PRLR: variants seen among roughly 807,000 people sequenced by gnomAD.
PRLR encodes prolactin receptor.
Under a neutral mutation model 40.2 loss-of-function variants are expected in PRLR, and 13 were observed. That is an observed-to-expected ratio of 0.32 (90% confidence interval 0.21 to 0.51). The LOEUF (loss-of-function observed/expected upper bound fraction) is 0.51, where lower values mean the gene tolerates loss of function less well. PRLR is among the 20% of genes least tolerant of loss of function. The probability of loss-of-function intolerance (pLI) is 0.97; values close to 1 mark genes in which losing one functional copy is unlikely to be tolerated. For synonymous variants in PRLR, 269 were observed against 278.7 expected (o/e 0.97, Z 0.35); for missense variants, 656 against 747.3 (o/e 0.88, Z 1.42).
Position 35,065,609 on chromosome 5 carries a change from A to T in PRLR, c.1349T>A (p.Leu450Gln). ...AGCATCTTTACCTGCTTCATTCAAC[A>T]GAGTGGCCGGTGCACCTGCAGGGCC... ...AVGPAGAPATLLNEAGKDALK... is the reference protein window; with the variant it reads ...AVGPAGAPATQLNEAGKDALK... The change falls in exon 10 of 10, where the codon CTG becomes CAG. Residue 450 changes from leucine (L) to glutamine (Q), a missense_variant. Leu to Gln is a moderately radical substitution (Grantham distance 113). Transcript: ENST00000618457. The T allele has an allele frequency of 6.2e-7, 1 of 1,614,040 alleles. No individual in the cohort carries two copies. The highest frequency in any genetic ancestry group is 8.5e-7 in the Non-Finnish European group (1 of 1,179,974).
intron 1 of PRLR, among the ~76,000 whole-genome samples, chr5:35,120,476 G>A (rs1773251108): frequency 6.6e-6 from 1 of 152,156 alleles, no homozygotes; most frequent in South Asian, 2.1e-4. Flanking sequence ...CAAGAAAGGT[G>A]TAAAATTTTG....
At chr5:35,093,430 G>A (rs1417246812) in intron 2 of PRLR, among the ~76,000 whole-genome samples, 2 of 152,160 alleles carry the variant, frequency 1.3e-5, no homozygotes, top group Non-Finnish European at 2.9e-5. Flanking sequence ...CTACCATTCT[G>A]TGGAACTTGC....
intron 1 of PRLR, among the ~76,000 whole-genome samples, chr5:35,182,226 C>T (rs1254119652): frequency 1.3e-5 from 2 of 152,166 alleles, no homozygotes; most frequent in Non-Finnish European, 2.9e-5. Context: ...GAAACTGAGG[C>T]ACTGATTCTA....
At chr5:35,098,988 A>G (rs1362317695) in intron 2 of PRLR, among the ~76,000 whole-genome samples, 1 of 152,250 alleles carries the variant, frequency 6.6e-6, no homozygotes, top group Non-Finnish European at 1.5e-5. Context: ...TGACAAGTCT[A>G]AGAAAAAACT....
chr5:35,162,794 A>G (rs913297881), intron 1 of PRLR, among the ~76,000 whole-genome samples: 7 of 152,204 alleles, frequency 4.6e-5, no homozygotes, highest in African/African-American at 1.7e-4. Flanking sequence ...TCTCCCGGGC[A>G]GTTTCCTCTA....
At chr5:35,092,415 C>A (rs867856021) in intron 2 of PRLR, among the ~76,000 whole-genome samples, 20 of 152,182 alleles carry the variant, frequency 1.3e-4, no homozygotes, top group African/African-American at 4.8e-4. Flanking sequence ...ACTTCTCACC[C>A]CTAAAGGGGC....
Position 35,124,789 on chromosome 5 carries a change from T to A in PRLR, c.-105-6667A>T, listed in dbSNP as rs1485190577. 2.0e-5 allele frequency among the ~76,000 whole-genome samples: 3 copies of A among 152,176 alleles called. No homozygotes were observed. The East Asian group carries it at 5.8e-4, about 29-fold the overall frequency. On this transcript the variant is annotated intron_variant, in intron 1 of 9. Coordinates refer to ENST00000618457, the MANE Select transcript of PRLR (RefSeq NM_000949.7). ...CACCCTGAAATTCTAGGCCCACCAG[T>A]CAATAGATTAACAGGGTTACCTTTG...
intron 1 of PRLR, among the ~76,000 whole-genome samples, chr5:35,152,114 A>G (rs1348151085): frequency 2.6e-5 from 4 of 152,220 alleles, no homozygotes; most frequent in Admixed American, 6.5e-5. Context: ...TCAACCTTCT[A>G]GGGAAGTTAT....
At chr5:35,202,463 C>A (rs1485993010) in intron 1 of PRLR, among the ~76,000 whole-genome samples, 3 of 152,148 alleles carry the variant, frequency 2.0e-5, no homozygotes, top group African/African-American at 7.2e-5. Flanking sequence ...GTACAACTTA[C>A]CCTCAGTCCG....
At chr5:35,081,531 C>A (rs1029840304) in intron 5 of PRLR, 1 of 158,020 alleles carries the variant, frequency 6.3e-6, no homozygotes, top group South Asian at 1.8e-4. Flanking sequence ...ACGAGAGTTC[C>A]GTGGGCACTT....
chr5:35,179,275 A>G (rs898620530), intron 1 of PRLR, among the ~76,000 whole-genome samples: 20 of 152,342 alleles, frequency 1.3e-4, no homozygotes, highest in African/African-American at 3.6e-4. Flanking sequence ...TATATTTGCC[A>G]CGCGAAGCCT....
chr5:35,131,417 G>A (rs1773668047), intron 1 of PRLR, among the ~76,000 whole-genome samples: 1 of 152,186 alleles, frequency 6.6e-6, no homozygotes, highest in African/African-American at 2.4e-5. Flanking sequence ...AGAGGGTCTA[G>A]TGGTGGCGGG....
At chr5:35,093,774 T>C (rs563490757) in intron 2 of PRLR, among the ~76,000 whole-genome samples, 10 of 152,242 alleles carry the variant, frequency 6.6e-5, no homozygotes, top group Non-Finnish European at 1.3e-4. Context: ...ATATATATGA[T>C]GGTGGTCCCA....
intron 5 of PRLR, among the ~76,000 whole-genome samples, chr5:35,077,202 T>C (rs558172496): frequency 4.1e-4 from 63 of 152,166 alleles, no homozygotes; most frequent in African/African-American, 1.4e-3. Flanking sequence ...ACAACATTAA[T>C]CTTAAATGTA....
chr5:35,199,453 C>T (rs189697288), intron 1 of PRLR, among the ~76,000 whole-genome samples: 7 of 152,116 alleles, frequency 4.6e-5, no homozygotes, highest in African/African-American at 1.4e-4. Flanking sequence ...TCACTCTCTC[C>T]TATGATTATG....
intron 1 of PRLR, among the ~76,000 whole-genome samples, chr5:35,226,964 A>T (rs1388306255): frequency 2.0e-5 from 3 of 152,200 alleles, no homozygotes; most frequent in African/African-American, 7.2e-5. Context: ...CAGCACAGGG[A>T]GGTAAAGGTA....
intron 1 of PRLR, among the ~76,000 whole-genome samples, chr5:35,201,190 T>C (rs1775875476): frequency 6.6e-6 from 1 of 152,220 alleles, no homozygotes; most frequent in South Asian, 2.1e-4. Flanking sequence ...TTATGGTATA[T>C]GCACTGGTTC....
intron 5 of PRLR, among the ~76,000 whole-genome samples, chr5:35,084,264 A>G (rs1019599288): frequency 6.6e-6 from 1 of 152,224 alleles, no homozygotes; most frequent in Admixed American, 6.5e-5. Flanking sequence ...AAGCACAGGA[A>G]CACAAGGATC....
intron 1 of PRLR, among the ~76,000 whole-genome samples, chr5:35,157,222 T>C (rs768625275): frequency 3.9e-5 from 6 of 152,140 alleles, no homozygotes; most frequent in Non-Finnish European, 8.8e-5. Context: ...TGTATGTAGC[T>C]GAGGCCAGAG....
Sources: gnomAD v4.1 joint callset for allele counts (sites outside exome capture counted in the v4.1 genomes callset) on GRCh38, gnomAD v4.1.1 for gene constraint, MANE v1.5 for transcripts, NCBI Gene and HGNC (gene_info 2026-07-23, HGNC 2026-07-21) for gene names.